The following RAPGEF4 variants were observed in gnomAD, a reference collection of about 807,000 sequenced individuals.
The protein encoded by RAPGEF4 is RAP guanine-nucleotide-exchange factor (GEF) 4.
In RAPGEF4, 66 loss-of-function variants were observed where a neutral mutation model predicts 147.9. The observed-to-expected ratio is 0.45, with a 90% CI of 0.37 to 0.55. The LOEUF (loss-of-function observed/expected upper bound fraction) is 0.55, where lower values mean the gene tolerates loss of function less well. Among genes scored for constraint, RAPGEF4 ranks in the 20% least tolerant of loss-of-function variants. RAPGEF4 has a pLI of 0.00. For missense variants in RAPGEF4, 1,071 were observed against 1,257.3 expected (o/e 0.85, Z 2.24); for synonymous variants, 419 against 442.7 (o/e 0.95, Z 0.67).
At chr2:172,917,961 C>T (rs1441581799) in intron 5 of RAPGEF4, 87 bp downstream of exon 5, 10 of 1,105,106 alleles carry the variant, frequency 9.0e-6, no homozygotes, top group Non-Finnish European at 1.4e-5. Context: ...CCTACACCAG[C>T]TTGTCAGAGT....
intron 23 of RAPGEF4, among the ~76,000 whole-genome samples, chr2:173,024,588 A>G (rs1463795968): frequency 3.9e-5 from 6 of 152,212 alleles, no homozygotes; most frequent in African/African-American, 7.2e-5. Flanking sequence ...CTGTATTTAC[A>G]TGATTCACTG....
chr2:172,951,838 A>G (rs908970025), intron 6 of RAPGEF4, among the ~76,000 whole-genome samples: 1 of 152,086 alleles, frequency 6.6e-6, no homozygotes, highest in Non-Finnish European at 1.5e-5. Flanking sequence ...GATCTGATCT[A>G]TGTTTTTATA....
At position 172,988,239 on chromosome 2, in the gene RAPGEF4, A is replaced by G; in HGVS notation, c.1194A>G (p.Leu398=). 6.2e-7 allele frequency: 1 copy of G among 1,611,950 alleles called. No homozygotes were observed. Among genetic ancestry groups the G allele is most frequent in the Non-Finnish European group, 8.5e-7 (1 of 1,179,554 alleles). ...GEEGTSWYII[L]KGSVNVVIYG... ...AAGGTACCTCCTGGTACATTATTCT[A>G]AAAGGATCAGTGAATGTAGTCATTT... The change falls in exon 13 of 31, where the codon CTA becomes CTG. Residue 398 remains leucine (L), a synonymous_variant. Coordinates refer to ENST00000397081, the MANE Select transcript of RAPGEF4 (RefSeq NM_007023.4).
At chr2:173,026,782 G>T in intron 24 of RAPGEF4, 85 bp downstream of exon 24, 3 of 1,518,692 alleles carry the variant, frequency 2.0e-6, no homozygotes, top group Non-Finnish European at 2.7e-6. Flanking sequence ...GTGCTAATAT[G>T]TGCTACAATA....
At chr2:172,901,047 A>G (rs2149958708) in intron 4 of RAPGEF4, among the ~76,000 whole-genome samples, 1 of 152,312 alleles carries the variant, frequency 6.6e-6, no homozygotes, top group African/African-American at 2.4e-5. Flanking sequence ...AATGATACCA[A>G]TTAGATAAAG....
Position 172,922,270 on chromosome 2 carries a change from T to C in RAPGEF4, c.518-11T>C. 6.2e-7 allele frequency: 1 copy of C among 1,607,524 alleles called. No homozygotes were observed. Among genetic ancestry groups the C allele is most frequent in the Non-Finnish European group, 8.5e-7 (1 of 1,174,006 alleles). On this transcript the variant is annotated splice_polypyrimidine_tract_variant and intron_variant, in intron 5 of 30. Transcript: ENST00000397081. ...TTCATGGCCTCTCTCTGTCTCTTTT[T>C]CCTCCTTTAGGGATTCCTGACAAGG...
intron 4 of RAPGEF4, among the ~76,000 whole-genome samples, chr2:172,884,532 C>T (rs1038445467): frequency 2.0e-5 from 3 of 152,226 alleles, no homozygotes; most frequent in African/African-American, 7.2e-5. Context: ...GTGCTTGAAC[C>T]AGCTGGAGAT....
chr2:172,800,146 G>A (rs1321620888), intron 3 of RAPGEF4, among the ~76,000 whole-genome samples: 3 of 152,106 alleles, frequency 2.0e-5, no homozygotes, highest in Admixed American at 1.3e-4. Context: ...TACCAAAGCT[G>A]GCTTACTGCT....
intron 1 of RAPGEF4, 66 bp from the exon 2 acceptor site, chr2:172,794,959 G>C: frequency 7.0e-7 from 1 of 1,426,580 alleles, no homozygotes; most frequent in Non-Finnish European, 9.6e-7. Flanking sequence ...TTAAAATGAG[G>C]CCTGTTGATT....
chr2:172,806,149 T>C (rs1190990817), intron 3 of RAPGEF4, among the ~76,000 whole-genome samples: 3 of 151,912 alleles, frequency 2.0e-5, no homozygotes, highest in African/African-American at 7.3e-5. Context: ...GCATAGTAAG[T>C]ATCAAAATCC....
At chr2:172,929,104 AATAG>A (rs1685664316) in intron 6 of RAPGEF4, among the ~76,000 whole-genome samples, 1 of 152,264 alleles carries the variant, frequency 6.6e-6, no homozygotes, top group Non-Finnish European at 1.5e-5. Flanking sequence ...GTGAGAATAA[AATAG>A]ATAGTATCCC....
At chr2:172,771,311 T>C (rs1036847513) in intron 1 of RAPGEF4, among the ~76,000 whole-genome samples, 2 of 151,724 alleles carry the variant, frequency 1.3e-5, no homozygotes, top group Non-Finnish European at 2.9e-5. Flanking sequence ...TCATGAGGAC[T>C]CCTCCCAAAG....
intron 6 of RAPGEF4, among the ~76,000 whole-genome samples, chr2:172,959,668 T>C (rs923048495): frequency 2.0e-5 from 3 of 152,124 alleles, no homozygotes; most frequent in Non-Finnish European, 2.9e-5. Context: ...TCTCCACCGT[T>C]TGGAATATCA....
chr2:172,780,562 G>A (rs548868803), intron 1 of RAPGEF4, among the ~76,000 whole-genome samples: 2 of 152,278 alleles, frequency 1.3e-5, no homozygotes, highest in East Asian at 3.9e-4. Flanking sequence ...TAGGCAAATA[G>A]CGGGAGGGCA....
chr2:173,001,309 G>A lies in RAPGEF4; in HGVS notation c.1623G>A (p.Met541Ile), dbSNP rs1352879231. 6.2e-7 allele frequency: 1 copy of A among 1,613,578 alleles called. No individual in the cohort carries two copies. The highest frequency in any genetic ancestry group is 1.6e-4 in the Middle Eastern group (1 of 6,084). Residue 541 changes from methionine to isoleucine, a missense_variant, in exon 17 of 31, where the codon ATG (methionine) becomes ATA (isoleucine). Physicochemically the swap from Met to Ile is conservative, Grantham distance 10. Transcript: ENST00000397081. ...TTATTATGATGCACTGTGTTTTTAT[G>A]CCAAATACCCAGCTTTGCCCGGCAC... The part of the protein sequence containing the change: ...NDFIMMHCVF[M>I]PNTQLCPALV...
intron 1 of RAPGEF4, chr2:172,744,558 G>A (rs7604773): frequency 0.099 from 32,817 of 333,162 alleles, 2,051 homozygotes; most frequent in African/African-American, 0.17. Flanking sequence ...TTTTGGGCAA[G>A]TTATTTGGTT....
chr2:173,040,466 G>A (rs569845792), intron 29 of RAPGEF4, among the ~76,000 whole-genome samples: 1 of 152,174 alleles, frequency 6.6e-6, no homozygotes, highest in African/African-American at 2.4e-5. Flanking sequence ...CCCAGGTGCT[G>A]AGCAGAGCTG....
At chr2:172,886,934 T>G (rs554284460) in intron 4 of RAPGEF4, among the ~76,000 whole-genome samples, 1 of 152,272 alleles carries the variant, frequency 6.6e-6, no homozygotes, top group East Asian at 1.9e-4. Flanking sequence ...TTGCCTGTAA[T>G]CCCAGCACTT....
chr2:172,821,987 A>G (rs533948191), intron 4 of RAPGEF4: 1 of 1,613,172 alleles, frequency 6.2e-7, no homozygotes, highest in South Asian at 1.1e-5. Flanking sequence ...GTCAGAATGA[A>G]TCTTTTTATT....
Sources: allele counts gnomAD v4.1 joint callset (sites outside exome capture counted in the v4.1 genomes callset), GRCh38; gene constraint gnomAD v4.1.1; transcripts MANE v1.5; gene names NCBI Gene and HGNC (gene_info 2026-07-23, HGNC 2026-07-21).